USP9X: variants seen among roughly 807,000 people sequenced by gnomAD.
USP9X encodes the protein ubiquitin carboxyl-terminal hydrolase 9X.
USP9X carries 7 observed loss-of-function variants against 190.3 expected under a neutral mutation model. The observed-to-expected ratio is 0.04, with a 90% CI of 0.02 to 0.07. The LOEUF (loss-of-function observed/expected upper bound fraction) is 0.07, where lower values mean the gene tolerates loss of function less well. USP9X is among the 10% of genes least tolerant of loss of function. USP9X has a pLI of 1.00. For synonymous variants in USP9X, 645 were observed against 659.5 expected (o/e 0.98, Z 0.34); for missense variants, 1,010 against 1,916.9 (o/e 0.53, Z 8.83).
chrX:41,201,431 A>C (rs2063040994), intron 31 of USP9X, 151 bp downstream of exon 31: 1 of 530,873 alleles, frequency 1.9e-6, no homozygotes, highest in Non-Finnish European at 2.9e-6. Context: ...GGTCTCAGCT[A>C]CTCAGGAAAC....
rs1401028287 is a variant in USP9X, at chrX:41,224,813, G to A, written c.6823G>A (p.Val2275Met). The change falls in exon 40 of 45, where the codon GTG becomes ATG. Residue 2275 changes from valine to methionine, a missense_variant. By Grantham distance (21) the Val-to-Met change is conservative (BLOSUM62 1). This residue lies in a region of USP9X where 121 missense variants were observed against 281.2 expected (regional missense o/e 0.43). Transcript: ENST00000378308. ...SQPIMPIQQN[V>M]ADILFVRTSY... is the part of the protein sequence containing the mutation. Reference sequence around the variant, plus strand: ...ACCTATAATGCCAATTCAGCAGAATGTGGCAGACATTTTATTTGTGAGAAC... The same window carrying A: ...ACCTATAATGCCAATTCAGCAGAATATGGCAGACATTTTATTTGTGAGAAC... 29 of 1,209,303 alleles carry A rather than the reference G, an allele frequency of 2.4e-5. No individual in the cohort carries two copies. Among genetic ancestry groups the A allele is most frequent in the Non-Finnish European group, 3.1e-5 (28 of 894,853 alleles).
rs779458679 is a variant in USP9X at position 41,141,046 on chromosome X, A to G, written c.851A>G (p.Gln284Arg). Residue 284 changes from glutamine (Q) to arginine (R), a missense_variant, in exon 8 of 45, where the codon CAG (glutamine) becomes CGG (arginine). By Grantham distance (43) the Gln-to-Arg change is conservative (BLOSUM62 1). Transcript: ENST00000378308. Reference protein sequence around the residue: ...YFLPIIEMVPQFLENLTDEEL... With the variant: ...YFLPIIEMVPRFLENLTDEEL... ...CTTCCAATAATAGAAATGGTTCCAC[A>G]GTTTTTAGAAAACTTAACTGATGAA... The G allele has an allele frequency of 8.3e-7, 1 of 1,207,178 alleles. No homozygotes were observed. The highest frequency in any genetic ancestry group is 1.1e-6 in the Non-Finnish European group (1 of 893,333).
chrX:41,205,538 C>T (rs372052324), intron 32 of USP9X, 45 bp downstream of exon 32: 296 of 1,054,995 alleles, frequency 2.8e-4, no homozygotes, highest in Non-Finnish European at 3.4e-4. Context: ...TTAAAATGAA[C>T]ATCTCAATAC....
chrX:41,180,300 G>A (rs1353781836), intron 21 of USP9X, among the ~76,000 whole-genome samples: 1 of 112,395 alleles, frequency 8.9e-6, no homozygotes, highest in East Asian at 2.8e-4. Flanking sequence ...TCCTTGCAGT[G>A]CTTTACTGCA....
chrX:41,224,526 C>T (rs956420003), intron 39 of USP9X, among the ~76,000 whole-genome samples: 9 of 110,672 alleles, frequency 8.1e-5, no homozygotes, highest in Non-Finnish European at 1.7e-4. Context: ...GTCCCAGCTA[C>T]TCGGAAGGCT....
At chrX:41,128,722 C>T (rs761030329) in intron 2 of USP9X, among the ~76,000 whole-genome samples, 1 of 111,334 alleles carries the variant, frequency 9.0e-6, no homozygotes, top group Non-Finnish European at 1.9e-5. Flanking sequence ...CTTATGATGC[C>T]TAATACAGTG....
At position 41,236,531 on chromosome X, in the gene USP9X, A is replaced by G. The variant is rs1333320372; in HGVS notation, c.*4007A>G. 5 of 112,715 alleles carry G rather than the reference A, an allele frequency of 4.4e-5. No homozygotes were observed. Among genetic ancestry groups the G allele is most frequent in the Non-Finnish European group, 9.4e-5 (5 of 53,262 alleles). The allele number at this position is 112,715 out of a possible 1,213,427, so 9.3% of individuals were successfully genotyped here. ...ACAGACTGACATGAAGATTGTTCAC[A>G]GTTCCTAAGATTTAGCACATATACA... is the stretch of plus-strand genomic sequence containing the variant. On this transcript the variant is annotated 3_prime_UTR_variant, in exon 45 of 45. Transcript: ENST00000378308.
intron 1 of USP9X, among the ~76,000 whole-genome samples, chrX:41,105,283 G>A (rs1367765836): frequency 8.9e-6 from 1 of 111,831 alleles, no homozygotes; most frequent in Non-Finnish European, 1.9e-5. Context: ...ACCCCATGCT[G>A]CATTCAGCTT....
intron 25 of USP9X, among the ~76,000 whole-genome samples, chrX:41,189,104 G>A (rs997212770): frequency 2.7e-5 from 3 of 112,091 alleles, no homozygotes; most frequent in Non-Finnish European, 5.6e-5. Flanking sequence ...GAAGACATAG[G>A]AAAATAATGG....
chrX:41,210,845 C>CT (rs1387184044), intron 33 of USP9X, among the ~76,000 whole-genome samples, 163 bp downstream of exon 33: 3 of 111,108 alleles, frequency 2.7e-5, no homozygotes, highest in Admixed American at 9.5e-5. Context: ...TGCTGTGGGG[C>CT]TTTTTTTTGT....
chrX:41,118,688 A>G (rs2146974370), intron 1 of USP9X, among the ~76,000 whole-genome samples: 1 of 110,658 alleles, frequency 9.0e-6, no homozygotes, highest in South Asian at 3.8e-4. Flanking sequence ...TATTTTCGGG[A>G]AAAAAAACAG....
At chrX:41,103,191 T>C (rs2062046968) in intron 1 of USP9X, among the ~76,000 whole-genome samples, 1 of 112,732 alleles carries the variant, frequency 8.9e-6, no homozygotes, top group South Asian at 3.6e-4. Flanking sequence ...ATGTCTAATA[T>C]TAAGTCAACA....
At chrX:41,216,751 G>A in intron 35 of USP9X, 99 bp downstream of exon 35, 1 of 976,015 alleles carries the variant, frequency 1.0e-6, no homozygotes, top group Non-Finnish European at 1.4e-6. Flanking sequence ...CACTTTAAAT[G>A]AGTCTAATTT....
At chrX:41,197,554 C>T in intron 29 of USP9X, 44 bp downstream of exon 29, 2 of 1,104,088 alleles carry the variant, frequency 1.8e-6, no homozygotes, top group East Asian at 6.2e-5. Flanking sequence ...TCATAACCTT[C>T]TAAATGTTTA....
chrX:41,217,175 G>T (rs759675836), intron 35 of USP9X, 45 bp from the exon 36 acceptor site: 3 of 1,155,887 alleles, frequency 2.6e-6, no homozygotes, highest in Non-Finnish European at 3.5e-6. Flanking sequence ...TGAAAATGGG[G>T]TTGGAAAATA....
chrX:41,167,325 C>T lies in USP9X; in HGVS notation c.2329-157C>T, dbSNP rs1308531422. On this transcript the variant is annotated intron_variant, in intron 16 of 44. Transcript: ENST00000378308. ...TGCATTTATTACCCTTTCTTTTGGT[C>T]TGTGCTTCTCACTTAATTTTACTTG... 4 of 382,451 alleles carry T rather than the reference C, an allele frequency of 1.0e-5. No homozygotes were observed. In the African/African-American group the frequency reaches 1.1e-4, roughly 10 times the overall value. The allele number at this position is 382,451 out of a possible 1,213,427, so 31.5% of individuals were successfully genotyped here. A position where few individuals can be genotyped will look rare whatever the true frequency, so the allele number is the denominator to read the frequency against.
intron 23 of USP9X, 139 bp from the exon 24 acceptor site, chrX:41,186,378 G>A (rs113039746): frequency 8.7e-5 from 59 of 679,227 alleles, no homozygotes; most frequent in African/African-American, 8.6e-4. Context: ...AGTGCTTTTT[G>A]TGTAAGTTGC....
At chrX:41,221,633 A>G (rs1336121331) in intron 38 of USP9X, among the ~76,000 whole-genome samples, 1 of 111,431 alleles carries the variant, frequency 9.0e-6, no homozygotes, top group African/African-American at 3.3e-5. Flanking sequence ...TTGATGTAAG[A>G]TGGGAATGGC....
intron 4 of USP9X, among the ~76,000 whole-genome samples, chrX:41,134,061 C>T (rs2062349299): frequency 8.9e-6 from 1 of 112,148 alleles, no homozygotes; most frequent in Non-Finnish European, 1.9e-5. Flanking sequence ...ATTCAGTGGA[C>T]ATGTATTCCT....
Sources: gnomAD v4.1 joint callset for allele counts (sites outside exome capture counted in the v4.1 genomes callset) on GRCh38, gnomAD v4.1.1 for gene constraint, gnomAD v4.1.1 regional missense constraint, MANE v1.5 for transcripts, NCBI Gene and HGNC (gene_info 2026-07-23, HGNC 2026-07-21) for gene names.